RORA: variants seen among roughly 807,000 people sequenced by gnomAD.
RORA encodes the protein nuclear receptor ROR-alpha.
A neutral mutation model predicts 69.5 loss-of-function variants in RORA; 7 were observed. The ratio of observed to expected loss-of-function variants is 0.10; its 90% confidence interval spans 0.06 to 0.19. RORA has a LOEUF of 0.19. Ranked by LOEUF, RORA falls within the 10% of genes least tolerant of loss-of-function variation. RORA has a pLI of 1.00. For synonymous variants in RORA, 261 were observed against 240.8 expected (o/e 1.08, Z -0.78); for missense variants, 457 against 663.0 (o/e 0.69, Z 3.41).
intron 1 of RORA, among the ~76,000 whole-genome samples, chr15:60,875,585 A>C (rs2073604308): frequency 6.6e-6 from 1 of 152,202 alleles, no homozygotes; most frequent in South Asian, 2.1e-4. Flanking sequence ...TCAATAACCC[A>C]GGGAATTCTA....
chr15:60,542,750 G>A (rs1370505273), intron 2 of RORA, among the ~76,000 whole-genome samples: 8 of 146,734 alleles, frequency 5.5e-5, no homozygotes, highest in Non-Finnish European at 7.4e-5. Flanking sequence ...AACGACACAC[G>A]GGCACACCTC....
intron 3 of RORA, among the ~76,000 whole-genome samples, chr15:60,525,318 T>G (rs747479942): frequency 4.6e-5 from 7 of 152,144 alleles, no homozygotes; most frequent in Non-Finnish European, 7.4e-5. Flanking sequence ...CGCTGCACTG[T>G]GGGTGTGGCT....
At chr15:61,161,199 C>T (rs867111926) in intron 1 of RORA, among the ~76,000 whole-genome samples, 19 of 152,170 alleles carry the variant, frequency 1.2e-4, no homozygotes, top group Non-Finnish European at 2.2e-4. Context: ...GAAGTCTCAA[C>T]TCCATGGTCC....
intron 2 of RORA, among the ~76,000 whole-genome samples, chr15:60,589,506 T>C (rs765615447): frequency 7.2e-5 from 11 of 152,250 alleles, no homozygotes; most frequent in South Asian, 6.2e-4. Flanking sequence ...ATCTGGCCAA[T>C]GCACTTTTAT....
At chr15:60,880,228 C>G (rs1197058323) in intron 1 of RORA, among the ~76,000 whole-genome samples, 1 of 152,194 alleles carries the variant, frequency 6.6e-6, no homozygotes, top group Non-Finnish European at 1.5e-5. Context: ...TTCCCTCACC[C>G]ACTCCTCACC....
chr15:60,643,116 C>T (rs142606120), intron 2 of RORA, among the ~76,000 whole-genome samples: 177 of 152,310 alleles, frequency 1.2e-3, no homozygotes, highest in Middle Eastern at 3.4e-3. Flanking sequence ...AAGATTGCGC[C>T]ACTGCACTCC....
At position 61,061,585 on chromosome 15, in the gene RORA, GC is replaced by G. The variant is rs1436420598; in HGVS notation, c.166+167467del. On this transcript the variant is annotated intron_variant, in intron 1 of 10. Transcript: ENST00000335670. This position sits in a 1 kb window ranked among gnomAD's most constrained non-coding sequence, Gnocchi z 4.4. ...CAGTAACTTACGTACCAACCTCTAAGCCCCTTTATGGTTGATTCATTCCTAG... is the reference window on the plus strand; with the variant it reads ...CAGTAACTTACGTACCAACCTCTAAGCCCTTTATGGTTGATTCATTCCTAG... 3.3e-5 allele frequency among the ~76,000 whole-genome samples: 5 copies of G among 151,972 alleles called. No homozygotes were observed. The highest frequency in any genetic ancestry group is 1.3e-4 in the Admixed American group (2 of 15,264).
intron 2 of RORA, chr15:60,615,164 A>G: frequency 9.1e-7 from 1 of 1,093,448 alleles, no homozygotes; most frequent in South Asian, 1.7e-5. Flanking sequence ...TCTTAGTGCT[A>G]GTGCACTTGG....
intron 1 of RORA, among the ~76,000 whole-genome samples, chr15:61,049,953 T>C (rs778299532): frequency 1.3e-5 from 2 of 152,182 alleles, no homozygotes; most frequent in Non-Finnish European, 2.9e-5. Flanking sequence ...GCCACGGCAC[T>C]CGGCCCAAGT....
intron 1 of RORA, among the ~76,000 whole-genome samples, chr15:60,738,536 A>C (rs549339015): frequency 6.6e-6 from 1 of 152,380 alleles, no homozygotes; most frequent in South Asian, 2.1e-4. Flanking sequence ...TCAAAAAATA[A>C]GTAAAAACTA....
At chr15:60,889,194 C>G (rs1398194941) in intron 1 of RORA, among the ~76,000 whole-genome samples, 1 of 152,222 alleles carries the variant, frequency 6.6e-6, no homozygotes, top group Admixed American at 6.5e-5. Flanking sequence ...CTCCTCGAGG[C>G]AGGAACTAGA....
chr15:60,976,809 T>C (rs766460824), intron 1 of RORA, among the ~76,000 whole-genome samples: 2 of 152,100 alleles, frequency 1.3e-5, no homozygotes, highest in Non-Finnish European at 2.9e-5. Context: ...ACCAGTTCTT[T>C]TGGCTTAGGA....
At chr15:61,005,767 A>C (rs1894891732) in intron 1 of RORA, among the ~76,000 whole-genome samples, 1 of 152,172 alleles carries the variant, frequency 6.6e-6, no homozygotes, top group African/African-American at 2.4e-5. Context: ...AAATGAGAGA[A>C]TGAAAACCTA....
At chr15:61,044,395 T>C (rs948726119) in intron 1 of RORA, among the ~76,000 whole-genome samples, 6 of 152,152 alleles carry the variant, frequency 3.9e-5, no homozygotes, top group Admixed American at 3.3e-4. Context: ...GAGGACATTA[T>C]CTGGACCTGT....
rs377733976 is a variant in RORA, at chr15:60,515,927, TTATA to T, written c.283-1174_283-1171del. ...ATATATATTGTATTTATATATATATTTATATATATATTTATATATATTTATATAT... is the reference window on the plus strand; with the variant it reads ...ATATATATTGTATTTATATATATATTTATATATTTATATATATTTATATAT... On this transcript the variant is annotated intron_variant, in intron 3 of 10. Coordinates refer to ENST00000335670, the MANE Select transcript of RORA (RefSeq NM_134261.3). Among the ~76,000 whole-genome samples, 83 of 47,818 alleles carry T rather than the reference TTATA, an allele frequency of 1.7e-3. 1 individual carries two copies. The highest frequency in any genetic ancestry group is 2.2e-3 in the Non-Finnish European group (69 of 30,780). 31.4% of individuals were successfully genotyped at this position (47,818 alleles called of 152,430 possible).
chr15:60,580,361 A>G (rs1227083394), intron 2 of RORA, among the ~76,000 whole-genome samples: 2 of 152,362 alleles, frequency 1.3e-5, no homozygotes, highest in South Asian at 2.1e-4. Context: ...AATCAACAGG[A>G]AAGAAAAAAG....
intron 1 of RORA, among the ~76,000 whole-genome samples, chr15:60,865,231 T>C (rs1424218080): frequency 6.6e-6 from 1 of 152,200 alleles, no homozygotes; most frequent in Admixed American, 6.5e-5. Context: ...TGAATTTCAC[T>C]GCCTGAAACC....
At chr15:60,524,295 C>G (rs2066274666) in intron 3 of RORA, among the ~76,000 whole-genome samples, 1 of 152,198 alleles carries the variant, frequency 6.6e-6, no homozygotes, top group Admixed American at 6.5e-5. Flanking sequence ...ATCCATTTCA[C>G]ACAGTTACTA....
rs1161534348 is a variant in RORA at position 60,495,998 on chromosome 15, T to C, written c.*1457A>G. 1 of 152,138 alleles carries C rather than the reference T, an allele frequency of 6.6e-6. No individual in the cohort carries two copies. The highest frequency in any genetic ancestry group is 2.4e-5 in the African/African-American group (1 of 41,422). 9.4% of individuals were successfully genotyped at this position (152,138 alleles called of 1,614,324 possible). On this transcript the variant is annotated 3_prime_UTR_variant, in exon 11 of 11. Transcript: ENST00000335670. ...TAGTGAAGATAAATACAAGAGTAAA[T>C]GTTTGCAGCTAGCATCAACTTCACT...
Sources: gnomAD v4.1 joint callset for allele counts (sites outside exome capture counted in the v4.1 genomes callset) on GRCh38, gnomAD v4.1.1 for gene constraint, Gnocchi (gnomAD v3.1) non-coding constraint, MANE v1.5 for transcripts, NCBI Gene and HGNC (gene_info 2026-07-23, HGNC 2026-07-21) for gene names.